MCCC1: variants seen among roughly 807,000 people sequenced by gnomAD.
MCCC1 encodes methylcrotonyl-CoA carboxylase subunit 1.
A neutral mutation model predicts 83.8 loss-of-function variants in MCCC1; 64 were observed. The ratio of observed to expected loss-of-function variants is 0.76; its 90% confidence interval spans 0.62 to 0.94. MCCC1 has a LOEUF of 0.94. MCCC1 is among the 40% of genes least tolerant of loss of function. The pLI is 0.00. For missense variants in MCCC1, 807 were observed against 904.7 expected, an observed-to-expected ratio of 0.89 and a Z score of 1.39; for synonymous variants, 322 against 315.4, an observed-to-expected ratio of 1.02 and a Z score of -0.22.
At chr3:183,031,074 G>A (rs1713027631) in intron 14 of MCCC1, among the ~76,000 whole-genome samples, 1 of 152,158 alleles carries the variant, frequency 6.6e-6, no homozygotes, top group Non-Finnish European at 1.5e-5. Flanking sequence ...ATCAAGTGTG[G>A]CACCTGCAGT....
intron 3 of MCCC1, among the ~76,000 whole-genome samples, chr3:183,091,936 G>GTCGAGGCAGGAGAA (rs564922630): frequency 2.4e-4 from 36 of 151,982 alleles, no homozygotes; most frequent in African/African-American, 6.3e-4. Flanking sequence ...TACTCTAGAC[G>GTCGAGGCAGGAGAA]TCGAGGCAGG....
Position 183,045,496 on chromosome 3 carries a change from T to A in MCCC1, c.1000A>T (p.Met334Leu). The A allele has an allele frequency of 6.2e-7, 1 of 1,614,106 alleles. No individual in the cohort carries two copies. Among genetic ancestry groups the A allele is most frequent in the Non-Finnish European group, 8.5e-7 (1 of 1,179,952 alleles). ...ACTTGCAGCCTTGTATTCATCTCCA[T>A]GAAACAGAAATTATGTTTTGAGTCC... ...IMDSKHNFCF[M>L]EMNTRLQVEH... Residue 334 changes from methionine (M) to leucine (L), a missense_variant, in exon 10 of 19, where the codon ATG becomes TTG. Met to Leu is a conservative substitution (Grantham distance 15). Coordinates refer to ENST00000265594, the MANE Select transcript of MCCC1 (RefSeq NM_020166.5).
At chr3:183,098,433 T>C (rs1473023775) in intron 1 of MCCC1, 1 of 152,244 alleles carries the variant, frequency 6.6e-6, no homozygotes, top group East Asian at 1.9e-4. Flanking sequence ...CAACCCAAGG[T>C]ACTCGTATCA....
chr3:183,017,505 G>C (rs948695109), intron 17 of MCCC1, 168 bp from the exon 18 acceptor site: 1 of 657,926 alleles, frequency 1.5e-6, no homozygotes, highest in Non-Finnish European at 2.6e-6. Flanking sequence ...AAACAACACA[G>C]AGGTCCTTTG....
At chr3:183,097,741 C>A (rs1718844254) in intron 1 of MCCC1, among the ~76,000 whole-genome samples, 1 of 152,164 alleles carries the variant, frequency 6.6e-6, no homozygotes, top group Non-Finnish European at 1.5e-5. Context: ...ACAACTCTAA[C>A]ACTCTCCAGA....
intron 2 of MCCC1, 48 bp downstream of exon 2, chr3:183,094,511 C>A: frequency 6.3e-7 from 1 of 1,579,530 alleles, no homozygotes; most frequent in Non-Finnish European, 8.7e-7. Context: ...TTCTTAAACA[C>A]TTCCAGTCTG....
chr3:183,050,638 G>C (rs76565219), intron 9 of MCCC1, among the ~76,000 whole-genome samples: 1 of 147,176 alleles, frequency 6.8e-6, no homozygotes, highest in Non-Finnish European at 1.5e-5. Flanking sequence ...CCTGGGAGGC[G>C]GAGGTTGCAG....
intron 18 of MCCC1, 121 bp downstream of exon 18, chr3:183,017,145 G>A: frequency 3.3e-6 from 3 of 914,946 alleles, no homozygotes; most frequent in Non-Finnish European, 5.4e-6. Context: ...TACAATTAAT[G>A]CTTCGTCAAT....
In MCCC1 at chr3:183,077,019, C is replaced by T. The variant is rs35192508; in HGVS notation, c.370-4532G>A. Among the ~76,000 whole-genome samples the T allele has an allele frequency of 6.1e-3, 923 of 152,206 alleles. 4 individuals are homozygous for T. The highest frequency in any genetic ancestry group is 0.015 in the Admixed American group (224 of 15,292). On this transcript the variant is annotated intron_variant, in intron 4 of 18. Coordinates refer to ENST00000265594, the MANE Select transcript of MCCC1 (RefSeq NM_020166.5). ...TTTTGTGACTGGCTCTGTCACTGAA[C>T]GTAATATTTTCAAGGTTCATCCATT...
chr3:183,060,235 G>T (rs932215554), intron 7 of MCCC1, among the ~76,000 whole-genome samples: 2 of 151,896 alleles, frequency 1.3e-5, no homozygotes, highest in African/African-American at 4.8e-5. Flanking sequence ...ACTGATTTTT[G>T]TTGTTGTTGT....
At chr3:183,107,797 G>A (rs530389659) in intron 1 of MCCC1, among the ~76,000 whole-genome samples, 92 of 152,084 alleles carry the variant, frequency 6.0e-4, no homozygotes, top group African/African-American at 1.9e-3. Context: ...TGATCCGCCC[G>A]CCTCAGTCTC....
intron 11 of MCCC1, among the ~76,000 whole-genome samples, chr3:183,039,957 G>A (rs187078015): frequency 1.3e-5 from 2 of 151,948 alleles, no homozygotes; most frequent in South Asian, 2.1e-4. Flanking sequence ...TTAGCCGGGC[G>A]TGGTGGCGGG....
At chr3:183,048,186 A>C (rs1433564394) in intron 9 of MCCC1, among the ~76,000 whole-genome samples, 3 of 152,248 alleles carry the variant, frequency 2.0e-5, no homozygotes. Context: ...GCTCAATTAA[A>C]ACCATGAAAG....
intron 10 of MCCC1, among the ~76,000 whole-genome samples, chr3:183,044,042 A>G (rs561098976): frequency 2.0e-5 from 3 of 152,328 alleles, no homozygotes; most frequent in Admixed American, 2.0e-4. Flanking sequence ...TTTTGGCTCA[A>G]TTAGAACCAC....
chr3:183,048,835 C>A (rs1162497947), intron 9 of MCCC1, among the ~76,000 whole-genome samples: 1 of 152,124 alleles, frequency 6.6e-6, no homozygotes, highest in Non-Finnish European at 1.5e-5. Flanking sequence ...CCAGGATAGA[C>A]CACATTCTGG....
At chr3:183,103,020 T>C (rs1246270138), upstream of MCCC1, among the ~76,000 whole-genome samples, 1 of 152,002 alleles carries the variant, frequency 6.6e-6, no homozygotes, top group South Asian at 2.1e-4. Context: ...TCTCACTGAC[T>C]TCAAGAATGA....
chr3:183,022,650 A>C (rs1577240149), intron 15 of MCCC1, 96 bp from the exon 16 acceptor site: 4 of 1,107,540 alleles, frequency 3.6e-6, no homozygotes, highest in Non-Finnish European at 3.9e-6. Context: ...TAGTTTTAAA[A>C]CATAAAATGT....
In MCCC1 at chr3:183,043,821, C is replaced by CT. The variant is rs1448996580; in HGVS notation, c.1083+1591dup. ...TTCTCCTTCCTTAATCCTTAGAAAC[C>CT]TTTTTTTCTCTTATGATTTCCAAGG... On this transcript the variant is annotated intron_variant, in intron 10 of 18. Coordinates refer to ENST00000265594, the MANE Select transcript of MCCC1 (RefSeq NM_020166.5). Among the ~76,000 whole-genome samples, 12 of 152,292 alleles carry CT rather than the reference C, an allele frequency of 7.9e-5. No individual in the cohort carries two copies. In the East Asian group the frequency reaches 2.1e-3, roughly 27 times the overall value.
Position 183,072,473 on chromosome 3 carries a change from T to G in MCCC1, c.384A>C (p.Gly128=), listed in dbSNP as rs139091481. ...CCATGTTTTCTGAGAGAAAACCGCA[T>G]CCTGGATGGATAGCCTAGAAATGAG... The part of the protein sequence containing the change: ...KTSAAQAIHP[G]CGFLSENMEF... Residue 128 remains glycine (G), a synonymous_variant, in exon 5 of 19, where the codon GGA becomes GGC. Coordinates refer to ENST00000265594, the MANE Select transcript of MCCC1 (RefSeq NM_020166.5). 29 of 1,613,932 alleles carry G rather than the reference T, an allele frequency of 1.8e-5. No homozygotes were observed. In the African/African-American group the frequency reaches 3.9e-4, roughly 22 times the overall value.
Sources: gnomAD v4.1 joint callset for allele counts (sites outside exome capture counted in the v4.1 genomes callset) on GRCh38, gnomAD v4.1.1 for gene constraint, MANE v1.5 for transcripts, NCBI Gene and HGNC (gene_info 2026-07-23, HGNC 2026-07-21) for gene names.